TMEM117: variants seen among roughly 807,000 people sequenced by gnomAD.
TMEM117 encodes transmembrane protein 117.
A neutral mutation model predicts 52.4 loss-of-function variants in TMEM117; 27 were observed. That is an observed-to-expected ratio of 0.51 (90% confidence interval 0.38 to 0.71). The LOEUF (loss-of-function observed/expected upper bound fraction) is 0.71. TMEM117 is among the 30% of genes least tolerant of loss of function. The probability of loss-of-function intolerance (pLI) is 0.00; values close to 1 mark genes in which losing one functional copy is unlikely to be tolerated. For missense variants in TMEM117, 556 were observed against 630.5 expected, an observed-to-expected ratio of 0.88 and a Z score of 1.26; for synonymous variants, 215 against 206.3, an observed-to-expected ratio of 1.04 and a Z score of -0.36.
chr12:44,046,658 T>TGACCATGTGACCAGCTAC (rs1946885194), intron 3 of TMEM117, among the ~76,000 whole-genome samples: 2 of 152,222 alleles, frequency 1.3e-5, no homozygotes, highest in Admixed American at 1.3e-4. Context: ...ATACCAGCTA[T>TGACCATGTGACCAGCTAC]GACCATGTGA....
intron 2 of TMEM117, among the ~76,000 whole-genome samples, chr12:43,916,782 G>A (rs1002253362): frequency 1.3e-5 from 2 of 152,142 alleles, no homozygotes; most frequent in South Asian, 4.1e-4. Flanking sequence ...CTTCATCCTA[G>A]GAATTGAAAG....
intron 4 of TMEM117, among the ~76,000 whole-genome samples, chr12:44,208,975 G>C (rs1247460003): frequency 1.3e-5 from 2 of 151,858 alleles, no homozygotes; most frequent in Non-Finnish European, 2.9e-5. Context: ...ATTCTTTCTG[G>C]AACAGGATAA....
chr12:44,182,067 T>C (rs554111251), intron 4 of TMEM117, among the ~76,000 whole-genome samples: 4 of 152,196 alleles, frequency 2.6e-5, no homozygotes, highest in South Asian at 2.1e-4. Context: ...AGAGGTCCTT[T>C]GCATTCCTTG....
chr12:43,951,910 A>T (rs1394602365), intron 3 of TMEM117, among the ~76,000 whole-genome samples: 1 of 152,116 alleles, frequency 6.6e-6, no homozygotes, highest in Non-Finnish European at 1.5e-5. Flanking sequence ...TCAGGTTGGT[A>T]CCCCTCTGGG....
At chr12:43,939,116 T>C (rs916381668) in intron 2 of TMEM117, among the ~76,000 whole-genome samples, 1 of 152,240 alleles carries the variant, frequency 6.6e-6, no homozygotes, top group African/African-American at 2.4e-5. Context: ...GCTTTTGTTA[T>C]TTGCAACAGG....
At chr12:43,944,782 TGAGA>T (rs200394836) in intron 3 of TMEM117, among the ~76,000 whole-genome samples, 39 of 152,136 alleles carry the variant, frequency 2.6e-4, no homozygotes, top group African/African-American at 8.9e-4. Flanking sequence ...TTGACAGTCC[TGAGA>T]GAGAGAGACC....
rs1192274708 is a variant in TMEM117, at chr12:43,966,034, A to G, written c.410+21692A>G. Among the ~76,000 whole-genome samples the G allele has an allele frequency of 2.0e-5, 3 of 152,218 alleles. No individual in the cohort carries two copies. In the East Asian group the frequency reaches 5.8e-4, roughly 29 times the overall value. On this transcript the variant is annotated intron_variant, in intron 3 of 7. Transcript: ENST00000266534. The stretch of plus-strand genomic sequence containing the variant: ...TTTCTGTTCCTTTGTTAACTCGTTT[A>G]GGAGAATGGCCTCTAGCTGCACCCA...
chr12:43,874,496 C>T (rs1251807970), intron 2 of TMEM117, among the ~76,000 whole-genome samples: 2 of 151,910 alleles, frequency 1.3e-5, no homozygotes, highest in Non-Finnish European at 2.9e-5. Context: ...GAGGCTGAGG[C>T]AGGAGAATCG....
chr12:43,820,435 G>A, the TMEM117 span, among the ~76,000 whole-genome samples: 1 of 151,926 alleles, frequency 6.6e-6, no homozygotes, highest in South Asian at 2.1e-4. Flanking sequence ...CACCACGCCC[G>A]GCTAATTTTT....
intron 3 of TMEM117, among the ~76,000 whole-genome samples, chr12:44,054,583 G>A (rs559227799): frequency 6.6e-6 from 1 of 152,192 alleles, no homozygotes; most frequent in East Asian, 1.9e-4. Flanking sequence ...TGCAAACTGT[G>A]TTTTAAATAT....
intron 2 of TMEM117, among the ~76,000 whole-genome samples, chr12:43,918,215 T>C (rs2137549185): frequency 6.6e-6 from 1 of 152,300 alleles, no homozygotes; most frequent in East Asian, 1.9e-4. Flanking sequence ...GGAACAGTTC[T>C]TTTTTTCTTT....
intron 3 of TMEM117, among the ~76,000 whole-genome samples, chr12:43,983,163 G>A (rs1232215948): frequency 8.5e-5 from 13 of 152,120 alleles, no homozygotes; most frequent in Non-Finnish European, 1.8e-4. Context: ...TTACTCACAC[G>A]TTTGGTGGTT....
chr12:44,247,457 A>G (rs1318368852), intron 5 of TMEM117, among the ~76,000 whole-genome samples: 1 of 152,178 alleles, frequency 6.6e-6, no homozygotes, highest in African/African-American at 2.4e-5. Flanking sequence ...TTGATACAAC[A>G]ATTGTACATA....
intron 3 of TMEM117, among the ~76,000 whole-genome samples, chr12:44,098,670 C>A (rs1220354608): frequency 6.6e-6 from 1 of 152,062 alleles, no homozygotes; most frequent in African/African-American, 2.4e-5. Flanking sequence ...AGTCTGAAGG[C>A]TGGGAGCCAG....
intron 3 of TMEM117, among the ~76,000 whole-genome samples, chr12:44,115,607 T>C (rs954014657): frequency 6.6e-6 from 1 of 152,144 alleles, no homozygotes; most frequent in Admixed American, 6.6e-5. Flanking sequence ...AAGCCAGATG[T>C]GCATGTTCCC....
chr12:43,862,833 A>G (rs1359622036), intron 2 of TMEM117, among the ~76,000 whole-genome samples: 2 of 152,186 alleles, frequency 1.3e-5, no homozygotes, highest in Non-Finnish European at 2.9e-5. Flanking sequence ...GAGTGGTGAA[A>G]ACATTTGGTA....
chr12:44,206,104 T>A (rs550287748), intron 4 of TMEM117, among the ~76,000 whole-genome samples: 79 of 152,292 alleles, frequency 5.2e-4, no homozygotes, highest in Middle Eastern at 3.4e-3. Flanking sequence ...CTTTTAATTT[T>A]ATTTTATTTT....
intron 5 of TMEM117, among the ~76,000 whole-genome samples, chr12:44,294,960 C>T (rs1486469251): frequency 6.6e-6 from 1 of 152,072 alleles, no homozygotes; most frequent in African/African-American, 2.4e-5. Context: ...GAAAGTGAAA[C>T]CACAGATAAA....
upstream of TMEM117, among the ~76,000 whole-genome samples, chr12:43,834,637 G>T (rs1943003246): frequency 6.6e-6 from 1 of 152,164 alleles, no homozygotes; most frequent in East Asian, 1.9e-4. Flanking sequence ...TGGGGATGTG[G>T]GGGTTCTATT....
Sources: allele counts gnomAD v4.1 joint callset (sites outside exome capture counted in the v4.1 genomes callset), GRCh38; gene constraint gnomAD v4.1.1; transcripts MANE v1.5; gene names NCBI Gene and HGNC (gene_info 2026-07-23, HGNC 2026-07-21).